The following GABRB1 variants were observed in gnomAD, a reference collection of about 807,000 sequenced individuals.
GABRB1 encodes gamma-aminobutyric acid receptor subunit beta-1.
GABRB1 carries 17 observed loss-of-function variants against 51.6 expected under a neutral mutation model. The ratio of observed to expected loss-of-function variants is 0.33; its 90% CI spans 0.23 to 0.49. The LOEUF (loss-of-function observed/expected upper bound fraction) is 0.49. Among genes scored for constraint, GABRB1 ranks in the 20% least tolerant of loss-of-function variants. The pLI is 0.99. For synonymous variants in GABRB1, 247 were observed against 218.9 expected, an observed-to-expected ratio of 1.13 and a Z score of -1.14; for missense variants, 410 against 600.6, an observed-to-expected ratio of 0.68 and a Z score of 3.32.
chr4:47,040,496 T>C (rs1725792722), intron 3 of GABRB1, among the ~76,000 whole-genome samples: 1 of 152,116 alleles, frequency 6.6e-6, no homozygotes, highest in Non-Finnish European at 1.5e-5. Context: ...TATGGTTCCA[T>C]ATTAAGTGAT....
intron 3 of GABRB1, among the ~76,000 whole-genome samples, chr4:47,153,934 G>A (rs1233027128): frequency 6.6e-6 from 1 of 151,880 alleles, no homozygotes; most frequent in African/African-American, 2.4e-5. Context: ...AGCAACAATG[G>A]TAATAAAGAA....
chr4:47,123,841 T>C (rs1435525202), intron 3 of GABRB1, among the ~76,000 whole-genome samples: 1 of 95,514 alleles, frequency 1.0e-5, no homozygotes, highest in African/African-American at 4.3e-5. Context: ...TATATTATAT[T>C]ATATATATTA....
intron 5 of GABRB1, among the ~76,000 whole-genome samples, chr4:47,380,640 A>G (rs1313323803): frequency 6.6e-6 from 1 of 152,234 alleles, no homozygotes; most frequent in African/African-American, 2.4e-5. Context: ...TCTTTGAAGA[A>G]AAAGAGTACT....
intron 3 of GABRB1, among the ~76,000 whole-genome samples, chr4:47,142,389 C>T (rs1716973488): frequency 6.6e-6 from 1 of 151,754 alleles, no homozygotes; most frequent in Non-Finnish European, 1.5e-5. Context: ...GATTTTATGG[C>T]TATAAAAGAG....
chr4:47,246,833 G>A (rs1224437626), intron 4 of GABRB1, among the ~76,000 whole-genome samples: 1 of 151,800 alleles, frequency 6.6e-6, no homozygotes, highest in Non-Finnish European at 1.5e-5. Flanking sequence ...TCATCTTTGG[G>A]AATTGTCTAT....
chr4:47,227,270 A>T (rs1485017177), intron 4 of GABRB1, among the ~76,000 whole-genome samples: 1 of 152,180 alleles, frequency 6.6e-6, no homozygotes, highest in African/African-American at 2.4e-5. Flanking sequence ...ATAGATAATA[A>T]ATAACTCATA....
intron 4 of GABRB1, among the ~76,000 whole-genome samples, chr4:47,276,700 T>A (rs1040794693): frequency 6.6e-6 from 1 of 152,150 alleles, no homozygotes; most frequent in Non-Finnish European, 1.5e-5. Flanking sequence ...CTAAATCTTA[T>A]TACGCTAATG....
intron 4 of GABRB1, among the ~76,000 whole-genome samples, chr4:47,203,827 A>G (rs1258183790): frequency 6.6e-6 from 1 of 151,944 alleles, no homozygotes; most frequent in Admixed American, 6.6e-5. Context: ...GGCAGGACAA[A>G]TGTATGTTCA....
At chr4:47,255,545 A>C (rs2109869888) in intron 4 of GABRB1, among the ~76,000 whole-genome samples, 1 of 152,338 alleles carries the variant, frequency 6.6e-6, no homozygotes, top group Non-Finnish European at 1.5e-5. Context: ...TAAGGAAGTC[A>C]ATACTGGAGT....
intron 4 of GABRB1, among the ~76,000 whole-genome samples, chr4:47,231,732 A>G (rs878902619): frequency 6.6e-6 from 1 of 152,214 alleles, no homozygotes; most frequent in Non-Finnish European, 1.5e-5. Flanking sequence ...CTGGAACACT[A>G]TAGTGGGTAC....
intron 3 of GABRB1, among the ~76,000 whole-genome samples, chr4:47,050,132 C>T (rs1365790509): frequency 2.0e-5 from 3 of 152,132 alleles, no homozygotes; most frequent in Admixed American, 2.0e-4. Context: ...CATTCACATT[C>T]GGGCACACAC....
chr4:47,000,836 C>T (rs1724156994), intron 1 of GABRB1, among the ~76,000 whole-genome samples: 1 of 152,166 alleles, frequency 6.6e-6, no homozygotes, highest in African/African-American at 2.4e-5. Flanking sequence ...AAGCTGAAGA[C>T]TTCTTATGAC....
intron 8 of GABRB1, among the ~76,000 whole-genome samples, chr4:47,420,092 C>T (rs1482776718): frequency 1.3e-5 from 2 of 152,140 alleles, no homozygotes; most frequent in Non-Finnish European, 2.9e-5. Context: ...TAATCAGAAA[C>T]AGACTTACCT....
intron 3 of GABRB1, among the ~76,000 whole-genome samples, chr4:47,059,342 A>T (rs1443428591): frequency 6.6e-6 from 1 of 152,028 alleles, no homozygotes; most frequent in East Asian, 1.9e-4. Context: ...TTTTAATTTT[A>T]ATGTAATTTT....
chr4:47,139,506 C>CA (rs1210614381), intron 3 of GABRB1, among the ~76,000 whole-genome samples: 1 of 151,748 alleles, frequency 6.6e-6, no homozygotes, highest in African/African-American at 2.4e-5. Flanking sequence ...CTCTAGGACT[C>CA]AAGCCTGCCA....
At chr4:47,144,332 T>C (rs988183277) in intron 3 of GABRB1, among the ~76,000 whole-genome samples, 1 of 151,986 alleles carries the variant, frequency 6.6e-6, no homozygotes, top group Non-Finnish European at 1.5e-5. Context: ...AGTTAAAAAT[T>C]AAGTTGTCAG....
At chr4:47,052,348 T>G (rs1726387591) in intron 3 of GABRB1, among the ~76,000 whole-genome samples, 1 of 152,196 alleles carries the variant, frequency 6.6e-6, no homozygotes, top group Admixed American at 6.5e-5. Flanking sequence ...TTTTCTCTCC[T>G]GATTTCCTGT....
At chr4:47,226,335 T>C (rs1290244641) in intron 4 of GABRB1, among the ~76,000 whole-genome samples, 1 of 152,102 alleles carries the variant, frequency 6.6e-6, no homozygotes, top group Non-Finnish European at 1.5e-5. Flanking sequence ...GAATGAAACA[T>C]TTGAAAACCT....
At chr4:47,351,157 G>C (rs1395309224) in intron 5 of GABRB1, among the ~76,000 whole-genome samples, 1 of 152,140 alleles carries the variant, frequency 6.6e-6, no homozygotes, top group East Asian at 1.9e-4. Context: ...GACACGATTA[G>C]GGTGAAAAAG....
Sources: gnomAD v4.1 joint callset for allele counts (sites outside exome capture counted in the v4.1 genomes callset) on GRCh38, gnomAD v4.1.1 for gene constraint, MANE v1.5 for transcripts, NCBI Gene and HGNC (gene_info 2026-07-23, HGNC 2026-07-21) for gene names.